The following RIMS2 variants were observed in gnomAD, a reference collection of about 807,000 sequenced individuals.
The protein encoded by RIMS2 is regulating synaptic membrane exocytosis 2, also known as regulating synaptic membrane exocytosis protein 2.
In RIMS2, 59 loss-of-function variants were observed where a neutral mutation model predicts 174.4. The ratio of observed to expected loss-of-function variants is 0.34; its 90% CI spans 0.27 to 0.42. The LOEUF is 0.42. Ranked by LOEUF, RIMS2 falls within the 10% of genes least tolerant of loss-of-function variation. The probability of loss-of-function intolerance (pLI) is 1.00; values close to 1 mark genes in which losing one functional copy is unlikely to be tolerated. For synonymous variants in RIMS2, 606 were observed against 572.5 expected, an observed-to-expected ratio of 1.06 and a Z score of -0.84; for missense variants, 1,620 against 1,666.3, an observed-to-expected ratio of 0.97 and a Z score of 0.48.
intron 1 of RIMS2, among the ~76,000 whole-genome samples, chr8:103,659,955 T>A (rs1389097705): frequency 6.6e-6 from 1 of 152,230 alleles, no homozygotes; most frequent in East Asian, 1.9e-4. Context: ...TCTCCATTGA[T>A]GTGGGCTCCC....
Position 103,652,197 on chromosome 8 carries a change from C to G in RIMS2, c.177-44889C>G, listed in dbSNP as rs781466598. The G allele has an allele frequency of 1.5e-6, 2 of 1,344,642 alleles. No homozygotes were observed. The highest frequency in any genetic ancestry group is 3.0e-5 in the African/African-American group (2 of 67,682). The allele number at this position is 1,344,642 out of a possible 1,614,324, so 83.3% of individuals were successfully genotyped here. A position where few individuals can be genotyped will look rare whatever the true frequency, so the allele number is the denominator to read the frequency against. On this transcript the variant is annotated intron_variant, in intron 1 of 23. Coordinates refer to ENST00000504942, the Ensembl canonical transcript of RIMS2. ...AGTGCACTCAGTTGTGCAAACTTATCTTTTTAGGGTCAAAGAAGAACACAA... is the reference window on the plus strand; with the variant it reads ...AGTGCACTCAGTTGTGCAAACTTATGTTTTTAGGGTCAAAGAAGAACACAA...
chr8:103,685,817 G>A (rs1454471489), intron 1 of RIMS2, among the ~76,000 whole-genome samples: 1 of 151,936 alleles, frequency 6.6e-6, no homozygotes, highest in Non-Finnish European at 1.5e-5. Context: ...CCAGGATTTT[G>A]TTTTTCACAT....
At chr8:104,255,604 A>T (rs1190092730), downstream of RIMS2, 1 of 152,222 alleles carries the variant, frequency 6.6e-6, no homozygotes, top group Admixed American at 6.5e-5. Flanking sequence ...ACAATAAAGG[A>T]TATGATGGTC....
At chr8:103,944,704 T>C (rs981925653) in intron 14 of RIMS2, among the ~76,000 whole-genome samples, 1 of 152,096 alleles carries the variant, frequency 6.6e-6, no homozygotes, top group African/African-American at 2.4e-5. Context: ...ATATGATCTT[T>C]CTGGTATTTA....
At chr8:104,208,932 A>G (rs2099093287) in intron 19 of RIMS2, among the ~76,000 whole-genome samples, 1 of 152,224 alleles carries the variant, frequency 6.6e-6, no homozygotes, top group Admixed American at 6.5e-5. Context: ...AAAATTACGT[A>G]ATTTTAAGAT....
At chr8:104,099,298 A>G (rs141666686) in intron 19 of RIMS2, among the ~76,000 whole-genome samples, 2 of 152,014 alleles carry the variant, frequency 1.3e-5, no homozygotes, top group African/African-American at 2.4e-5. Flanking sequence ...TTCAGTGCCA[A>G]CTCATCACAG....
intron 1 of RIMS2, among the ~76,000 whole-genome samples, chr8:103,524,638 C>T (rs2130646146): frequency 6.6e-6 from 1 of 152,196 alleles, no homozygotes; most frequent in African/African-American, 2.4e-5. Flanking sequence ...CTACTGCTAC[C>T]CTTGAAGCTG....
chr8:103,793,164 A>T (rs150358506), intron 3 of RIMS2, among the ~76,000 whole-genome samples: 1 of 152,370 alleles, frequency 6.6e-6, no homozygotes, highest in African/African-American at 2.4e-5. Context: ...CCTGATGAAC[A>T]TCGATGCAAA....
At chr8:103,569,084 AG>A (rs2092609471) in intron 1 of RIMS2, 1 of 365,788 alleles carries the variant, frequency 2.7e-6, no homozygotes, top group Non-Finnish European at 5.0e-6. Flanking sequence ...TTTGTGCTTC[AG>A]TGTTATATCG....
chr8:103,723,713 C>T (rs759074934), intron 2 of RIMS2, among the ~76,000 whole-genome samples: 4 of 152,266 alleles, frequency 2.6e-5, no homozygotes, highest in South Asian at 2.1e-4. Context: ...AGGCTGTGGG[C>T]GCTAGCCTGG....
At chr8:104,212,272 A>G (rs2099108756) in intron 19 of RIMS2, among the ~76,000 whole-genome samples, 1 of 152,216 alleles carries the variant, frequency 6.6e-6, no homozygotes, top group Non-Finnish European at 1.5e-5. Context: ...GTATAATAAA[A>G]GAAGAGGGCC....
chr8:103,626,644 A>G (rs922572788), intron 1 of RIMS2, among the ~76,000 whole-genome samples: 4 of 152,188 alleles, frequency 2.6e-5, no homozygotes, highest in Non-Finnish European at 5.9e-5. Flanking sequence ...AGCCCCCAAT[A>G]TTTCCACGTA....
chr8:103,595,718 G>T (rs1588549466), intron 1 of RIMS2, among the ~76,000 whole-genome samples: 1 of 152,038 alleles, frequency 6.6e-6, no homozygotes, highest in East Asian at 1.9e-4. Flanking sequence ...TTGGGGAGCA[G>T]TGGAGCATCT....
intron 2 of RIMS2, among the ~76,000 whole-genome samples, chr8:103,740,451 C>G (rs2097749867): frequency 6.6e-6 from 1 of 152,090 alleles, no homozygotes; most frequent in African/African-American, 2.4e-5. Context: ...TTATGACTTG[C>G]TCAGAAAATA....
chr8:103,705,726 C>T lies in RIMS2; in HGVS notation c.387+8430C>T, dbSNP rs150745610. On this transcript the variant is annotated intron_variant, in intron 2 of 23. Coordinates refer to ENST00000504942, the Ensembl canonical transcript of RIMS2. ...ATTTTTACAGTTTTTTACTTGAAAT[C>T]TAATAGCTTCTGCTGATCTGTTTTG... Among the ~76,000 whole-genome samples the T allele has an allele frequency of 2.0e-3, 311 of 152,038 alleles. 9 individuals carry two copies. The East Asian group carries it at 0.054, about 27-fold the overall frequency.
intron 1 of RIMS2, among the ~76,000 whole-genome samples, chr8:103,663,920 T>G (rs1564201868): frequency 6.6e-6 from 1 of 152,244 alleles, no homozygotes; most frequent in Non-Finnish European, 1.5e-5. Context: ...AGCATGGTAC[T>G]GGTACCAAAA....
chr8:103,784,089 T>A (rs1395557116), intron 3 of RIMS2, among the ~76,000 whole-genome samples: 1 of 149,386 alleles, frequency 6.7e-6, no homozygotes, highest in Non-Finnish European at 1.5e-5. Context: ...TCTGTTCATG[T>A]CCTTCGCCCA....
At chr8:103,553,915 A>T (rs1224816299) in intron 1 of RIMS2, among the ~76,000 whole-genome samples, 1 of 150,548 alleles carries the variant, frequency 6.6e-6, no homozygotes, top group Non-Finnish European at 1.5e-5. Flanking sequence ...ATAATCATCT[A>T]ATCTTCGACA....
intron 3 of RIMS2, among the ~76,000 whole-genome samples, chr8:103,827,900 CA>C (rs543481656): frequency 7.0e-4 from 100 of 142,802 alleles, no homozygotes; most frequent in Middle Eastern, 3.6e-3. Context: ...CACTCCATCT[CA>C]AAAAAAAAAA....
Sources: allele counts gnomAD v4.1 joint callset (sites outside exome capture counted in the v4.1 genomes callset), GRCh38; gene constraint gnomAD v4.1.1; transcripts MANE v1.5; gene names NCBI Gene and HGNC (gene_info 2026-07-23, HGNC 2026-07-21).